Variants in PVALB observed in about 807,000 individuals in gnomAD.
PVALB encodes the protein parvalbumin alpha.
PVALB carries 11 observed loss-of-function variants against 10.9 expected under a neutral mutation model. The observed-to-expected ratio is 1.01, with a 90% CI of 0.63 to 1.67. The LOEUF (loss-of-function observed/expected upper bound fraction) is 1.67, where lower values mean the gene tolerates loss of function less well. Among genes scored for constraint, PVALB ranks in the 40% most tolerant of loss-of-function variants. The probability of loss-of-function intolerance (pLI) is 0.00; values close to 1 mark genes in which losing one functional copy is unlikely to be tolerated. For synonymous variants in PVALB, 57 were observed against 50.7 expected (o/e 1.12, Z -0.53); for missense variants, 131 against 136.2 (o/e 0.96, Z 0.19).
chr22:36,806,708 C>A (rs1227530634), intron 3 of PVALB, among the ~76,000 whole-genome samples: 8 of 152,176 alleles, frequency 5.3e-5, no homozygotes, highest in Non-Finnish European at 1.2e-4. Context: ...CAGACAGCCA[C>A]AAGGAGGCCG....
chr22:36,808,558 G>T (rs1390616423), intron 3 of PVALB, among the ~76,000 whole-genome samples: 2 of 152,182 alleles, frequency 1.3e-5, no homozygotes, highest in Non-Finnish European at 2.9e-5. Context: ...TAAGGCAGTG[G>T]TCTTCTAAGT....
chr22:36,800,992 G>A (rs531005710), intron 3 of PVALB, 74 bp from the exon 4 acceptor site: 2 of 1,452,832 alleles, frequency 1.4e-6, no homozygotes, highest in East Asian at 4.6e-5. Context: ...CTGACTGCGG[G>A]GCCCTGGGTG....
At chr22:36,806,007 T>C (rs1233005936) in intron 3 of PVALB, among the ~76,000 whole-genome samples, 1 of 152,094 alleles carries the variant, frequency 6.6e-6, no homozygotes. Context: ...AGTTTCCTCA[T>C]CTATAAAATG....
At chr22:36,817,357 T>A, upstream of PVALB, 1 of 189,826 alleles carries the variant, frequency 5.3e-6, no homozygotes, top group Non-Finnish European at 1.1e-5. Flanking sequence ...AAAGTCCACC[T>A]GCCGTCAAGG....
rs532083913 is a variant in PVALB at position 36,810,627 on chromosome 22, C to T, written c.304+3019G>A. ...CTTGCTGGCATTGTGACCTTGCACT[C>T]ACTCCCTGGGCTGCCCTTTCTACAT... is the stretch of plus-strand genomic sequence containing the variant. On this transcript the variant is annotated intron_variant, in intron 3 of 3. Coordinates refer to ENST00000417718, the MANE Select transcript of PVALB (RefSeq NM_001315532.2). 3.6e-4 allele frequency among the ~76,000 whole-genome samples: 55 copies of T among 152,312 alleles called. 1 individual carries two copies. The South Asian group carries it at 0.011, about 30-fold the overall frequency.
intron 3 of PVALB, among the ~76,000 whole-genome samples, chr22:36,807,161 C>G (rs1938962236): frequency 6.6e-6 from 1 of 152,220 alleles, no homozygotes; most frequent in African/African-American, 2.4e-5. Flanking sequence ...TAAAACGTCT[C>G]AGCTCAGCTT....
intron 1 of PVALB, among the ~76,000 whole-genome samples, chr22:36,816,702 A>T (rs1939144061): frequency 6.6e-6 from 1 of 152,022 alleles, no homozygotes; most frequent in African/African-American, 2.4e-5. Flanking sequence ...GGCCTTCAGC[A>T]CCCTCAAGTT....
chr22:36,809,495 C>T (rs888299780), intron 3 of PVALB, among the ~76,000 whole-genome samples: 2 of 152,158 alleles, frequency 1.3e-5, no homozygotes, highest in South Asian at 2.1e-4. Flanking sequence ...TCACGTGCTT[C>T]GGAGCTCAAA....
chr22:36,816,195 A>T (rs1939136539), intron 1 of PVALB: 1 of 152,212 alleles, frequency 6.6e-6, no homozygotes, highest in East Asian at 1.9e-4. Context: ...CCTTCTGCCC[A>T]GCTAGGTGAC....
intron 3 of PVALB, among the ~76,000 whole-genome samples, chr22:36,807,722 C>G (rs567783632): frequency 1.8e-4 from 27 of 152,284 alleles, no homozygotes; most frequent in African/African-American, 6.5e-4. Context: ...GCCATTCCCA[C>G]GGCTGATCCC....
In PVALB at chr22:36,813,685, C is replaced by A. The variant is rs1939082782; in HGVS notation, c.265G>T (p.Ala89Ser). 2 of 1,614,050 alleles carry A rather than the reference C, an allele frequency of 1.2e-6. No individual in the cohort carries two copies. Among genetic ancestry groups the A allele is most frequent in the African/African-American group, 2.7e-5 (2 of 74,910 alleles). ...TTGCCGTCCCCATCTTTGTCTCCAG[C>A]AGCCATCAGCATCTTGGTTTCTTTA... ...SAKETKMLMAAGDKDGDGKIG... is the reference protein window; with the variant it reads ...SAKETKMLMASGDKDGDGKIG... Residue 89 changes from alanine to serine, a missense_variant, in exon 3 of 4, where the codon GCT becomes TCT. Ala to Ser is a moderately conservative substitution (Grantham distance 99). Coordinates refer to ENST00000417718, the MANE Select transcript of PVALB (RefSeq NM_001315532.2).
At chr22:36,806,278 T>C (rs1938948667) in intron 3 of PVALB, among the ~76,000 whole-genome samples, 1 of 152,024 alleles carries the variant, frequency 6.6e-6, no homozygotes, top group African/African-American at 2.4e-5. Flanking sequence ...GTCATCATTG[T>C]CCAACCAGAA....
chr22:36,803,387 C>A (rs1016971753), intron 3 of PVALB, among the ~76,000 whole-genome samples: 4 of 152,148 alleles, frequency 2.6e-5, no homozygotes, highest in Non-Finnish European at 5.9e-5. Context: ...TTGTCAGTCT[C>A]CCCCTACTAG....
intron 1 of PVALB, chr22:36,815,499 G>T: frequency 2.1e-6 from 1 of 484,216 alleles, no homozygotes; most frequent in East Asian, 3.9e-5. Context: ...CACCTCCACT[G>T]CACCCATTGC....
At chr22:36,808,824 A>AT (rs1003534531) in intron 3 of PVALB, among the ~76,000 whole-genome samples, 39 of 151,608 alleles carry the variant, frequency 2.6e-4, no homozygotes, top group African/African-American at 7.7e-4. Context: ...TTTAACAAAG[A>AT]TTTTTTTTTG....
intron 3 of PVALB, 27 bp downstream of exon 3, chr22:36,813,619 C>A: frequency 4.5e-6 from 7 of 1,562,882 alleles, no homozygotes; most frequent in African/African-American, 1.4e-5. Flanking sequence ...CCACAATATG[C>A]CCAGACCCCA....
At chr22:36,801,042 A>C in intron 3 of PVALB, 124 bp from the exon 4 acceptor site, 2 of 881,622 alleles carry the variant, frequency 2.3e-6, no homozygotes, top group South Asian at 1.4e-5. Context: ...CAGCAGCCCC[A>C]GAGCGTAAGT....
chr22:36,806,987 T>G (rs1021217643), intron 3 of PVALB, among the ~76,000 whole-genome samples: 3 of 152,176 alleles, frequency 2.0e-5, no homozygotes, highest in African/African-American at 7.2e-5. Context: ...GAATGTCTTT[T>G]TCCACCAAGC....
rs776653609 is a variant in PVALB at position 36,800,855 on chromosome 22, C to G, written c.*35G>C. On this transcript the variant is annotated 3_prime_UTR_variant, in exon 4 of 4. Transcript: ENST00000417718. ...AGGGGCCGAGATTGGGTGTTCAGGG[C>G]AGAGAGGTGGAAGACCAGGGGCAGT... 1.9e-6 allele frequency: 3 copies of G among 1,585,800 alleles called. No homozygotes were observed. In the African/African-American group the frequency reaches 4.0e-5, roughly 21 times the overall value.
Sources: gnomAD v4.1 joint callset for allele counts (sites outside exome capture counted in the v4.1 genomes callset) on GRCh38, gnomAD v4.1.1 for gene constraint, MANE v1.5 for transcripts, NCBI Gene and HGNC (gene_info 2026-07-23, HGNC 2026-07-21) for gene names.